The following EXTL3 variants were observed in gnomAD, a reference collection of about 807,000 sequenced individuals.
The protein encoded by EXTL3 is exostosin like glycosyltransferase 3, also known as exostosin-like 3.
Under a neutral mutation model 69.3 loss-of-function variants are expected in EXTL3, and 27 were observed. That is an observed-to-expected ratio of 0.39 (90% CI 0.29 to 0.54). The LOEUF (loss-of-function observed/expected upper bound fraction) is 0.54. Among genes scored for constraint, EXTL3 ranks in the 20% least tolerant of loss-of-function variants. The pLI, the probability that EXTL3 is intolerant of heterozygous loss-of-function variation, is 0.69. For synonymous variants in EXTL3, 511 were observed against 499.4 expected (o/e 1.02, Z -0.31); for missense variants, 1,003 against 1,231.8 (o/e 0.81, Z 2.78).
chr8:28,707,738 G>A (rs537908188), intron 1 of EXTL3, among the ~76,000 whole-genome samples: 18 of 152,276 alleles, frequency 1.2e-4, no homozygotes, highest in South Asian at 4.1e-4. Context: ...CACGGTCCCG[G>A]TTTGTTATTT....
chr8:28,748,707 C>T (rs563299681), intron 6 of EXTL3, among the ~76,000 whole-genome samples: 25 of 152,136 alleles, frequency 1.6e-4, no homozygotes, highest in Non-Finnish European at 2.9e-4. Context: ...ATGACACATA[C>T]CTTGTTTATT....
chr8:28,698,407 T>C (rs1487639414), upstream of EXTL3: 1 of 152,242 alleles, frequency 6.6e-6, no homozygotes, highest in Non-Finnish European at 1.5e-5. Flanking sequence ...TGCTCCATGC[T>C]CTGTGGTGTT....
intron 3 of EXTL3, among the ~76,000 whole-genome samples, chr8:28,718,822 A>T (rs183094790): frequency 1.2e-3 from 177 of 152,334 alleles, no homozygotes; most frequent in Non-Finnish European, 1.9e-3. Context: ...AACCAACTCC[A>T]ATTGAACCTT....
intron 2 of EXTL3, among the ~76,000 whole-genome samples, chr8:28,610,134 T>G (rs1585212914): frequency 6.6e-6 from 1 of 151,566 alleles, no homozygotes; most frequent in Admixed American, 6.6e-5. Flanking sequence ...ACCTGGGAGG[T>G]GGAGGTTGCA....
chr8:28,663,695 G>A (rs999483933), intron 1 of EXTL3, among the ~76,000 whole-genome samples: 6 of 151,982 alleles, frequency 3.9e-5, no homozygotes, highest in Admixed American at 6.6e-5. Context: ...CAAGTGATCC[G>A]CCCACCTCAG....
At chr8:28,743,061 G>A (rs959310547) in intron 5 of EXTL3, 25 bp from the exon 6 acceptor site, 21 of 1,613,900 alleles carry the variant, frequency 1.3e-5, no homozygotes, top group Non-Finnish European at 1.8e-5. Flanking sequence ...AACAGAGCAT[G>A]TGGTTCTTTT....
At chr8:28,627,040 G>A (rs1806502146) in intron 1 of EXTL3, among the ~76,000 whole-genome samples, 2 of 151,876 alleles carry the variant, frequency 1.3e-5, no homozygotes, top group South Asian at 2.1e-4. Flanking sequence ...AAATTAGCTG[G>A]GCGTGGTGGC....
Position 28,684,677 on chromosome 8 carries a change from G to A in EXTL3, c.-52-28780G>A, listed in dbSNP as rs577716153. On this transcript the variant is annotated intron_variant, in intron 1 of 6. Transcript: ENST00000523149. ...GGGTCACTTGAACCGAGGAATTTGA[G>A]GCTGCAGTGAGCTGTGATTTTGGCA... 2.6e-5 allele frequency among the ~76,000 whole-genome samples: 4 copies of A among 152,224 alleles called. No individual in the cohort carries two copies. In the East Asian group the frequency reaches 7.7e-4, roughly 29 times the overall value.
At chr8:28,719,595 G>A (rs1274220966) in intron 3 of EXTL3, among the ~76,000 whole-genome samples, 1 of 152,120 alleles carries the variant, frequency 6.6e-6, no homozygotes, top group Non-Finnish European at 1.5e-5. Context: ...TTCAAAGACT[G>A]TAGGGTTATA....
At chr8:28,709,417 C>T (rs1029525808) in intron 1 of EXTL3, among the ~76,000 whole-genome samples, 4 of 152,166 alleles carry the variant, frequency 2.6e-5, no homozygotes, top group Admixed American at 6.5e-5. Flanking sequence ...CTCTGTTTCT[C>T]ACTCTGTTCT....
At chr8:28,625,884 G>C (rs1452108747) in intron 1 of EXTL3, among the ~76,000 whole-genome samples, 1 of 151,486 alleles carries the variant, frequency 6.6e-6, no homozygotes, top group Non-Finnish European at 1.5e-5. Flanking sequence ...GTAAAGGCCA[G>C]GCACGGTGGC....
Position 28,716,357 on chromosome 8 carries a change from C to T in EXTL3, c.298C>T (p.Arg100Cys), listed in dbSNP as rs189382426. ...AGAGCTCCTGCAGCTGGAGGCCAAGCGCCAAGAGCTGAACAGCGAGATCGC... is the reference window on the plus strand; with the variant it reads ...AGAGCTCCTGCAGCTGGAGGCCAAGTGCCAAGAGCTGAACAGCGAGATCGC... ...SEELLQLEAK[R>C]QELNSEIAKL... The change falls in exon 3 of 7, where the codon CGC (arginine) becomes TGC (cysteine). Residue 100 changes from arginine to cysteine, a missense_variant. This residue lies in a region of EXTL3 where 742 missense variants were observed against 815.4 expected (regional missense o/e 0.91). Transcript: ENST00000220562. The surrounding 1 kb of genome is among the most constrained non-coding windows in gnomAD (Gnocchi z 7.1). The T allele has an allele frequency of 5.6e-6, 9 of 1,614,014 alleles. No individual in the cohort carries two copies. Among genetic ancestry groups the T allele is most frequent in the African/African-American group, 1.3e-5 (1 of 75,052 alleles).
intron 1 of EXTL3, among the ~76,000 whole-genome samples, chr8:28,685,521 G>T (rs1345550873): frequency 6.6e-6 from 1 of 151,664 alleles, no homozygotes; most frequent in Non-Finnish European, 1.5e-5. Flanking sequence ...GGAGTGAAGT[G>T]GCAGGATCAT....
chr8:28,666,444 A>AT (rs1172972253), intron 1 of EXTL3, among the ~76,000 whole-genome samples: 1 of 151,430 alleles, frequency 6.6e-6, no homozygotes, highest in African/African-American at 2.4e-5. Flanking sequence ...AGCCTGGCTA[A>AT]TTTTTTTTGA....
At chr8:28,633,558 C>G (rs886215885) in intron 1 of EXTL3, among the ~76,000 whole-genome samples, 3 of 151,856 alleles carry the variant, frequency 2.0e-5, no homozygotes, top group African/African-American at 7.3e-5. Context: ...CACGTGAACC[C>G]AGGAGGCGGA....
chr8:28,660,026 G>A (rs1228748559), intron 1 of EXTL3, among the ~76,000 whole-genome samples: 2 of 152,176 alleles, frequency 1.3e-5, no homozygotes, highest in African/African-American at 4.8e-5. Flanking sequence ...GTAAGGATAT[G>A]TTTTACAGAA....
chr8:28,650,686 A>T (rs1016290272), intron 1 of EXTL3, among the ~76,000 whole-genome samples: 1 of 151,784 alleles, frequency 6.6e-6, no homozygotes, highest in South Asian at 2.1e-4. Context: ...TTATTTCTCT[A>T]TTCTTTCCCT....
chr8:28,708,750 G>A (rs569314280), intron 1 of EXTL3, among the ~76,000 whole-genome samples: 2 of 152,212 alleles, frequency 1.3e-5, no homozygotes, highest in African/African-American at 4.8e-5. Context: ...TGTAGAACCC[G>A]CACCTGGGTT....
chr8:28,681,734 T>A (rs192793981), intron 1 of EXTL3, among the ~76,000 whole-genome samples: 1 of 152,064 alleles, frequency 6.6e-6, no homozygotes, highest in African/African-American at 2.4e-5. Flanking sequence ...TGTTTTTCCA[T>A]AATGATTGTG....
Sources: gnomAD v4.1 joint callset for allele counts (sites outside exome capture counted in the v4.1 genomes callset) on GRCh38, gnomAD v4.1.1 for gene constraint, gnomAD v4.1.1 regional missense constraint, Gnocchi (gnomAD v3.1) non-coding constraint, MANE v1.5 for transcripts, NCBI Gene and HGNC (gene_info 2026-07-23, HGNC 2026-07-21) for gene names.